UNC5D: variants seen among roughly 807,000 people sequenced by gnomAD.
UNC5D encodes the protein unc-5 netrin receptor D.
A neutral mutation model predicts 105.4 loss-of-function variants in UNC5D; 39 were observed. The ratio of observed to expected loss-of-function variants is 0.37; its 90% confidence interval spans 0.29 to 0.48. The LOEUF is 0.48. Among genes scored for constraint, UNC5D ranks in the 20% least tolerant of loss-of-function variants. The probability of loss-of-function intolerance (pLI) is 0.98; values close to 1 mark genes in which losing one functional copy is unlikely to be tolerated. For missense variants in UNC5D, 991 were observed against 1,202.4 expected, an observed-to-expected ratio of 0.82 and a Z score of 2.60; for synonymous variants, 452 against 450.4, an observed-to-expected ratio of 1.00 and a Z score of -0.04.
intron 4 of UNC5D, among the ~76,000 whole-genome samples, chr8:35,643,689 A>G (rs1822886380): frequency 6.6e-6 from 1 of 152,058 alleles, no homozygotes; most frequent in African/African-American, 2.4e-5. Flanking sequence ...TGCAGTTGAG[A>G]TTTAAAAATC....
intron 1 of UNC5D, among the ~76,000 whole-genome samples, chr8:35,478,620 G>C (rs371624060): frequency 4.7e-4 from 71 of 152,236 alleles, no homozygotes; most frequent in African/African-American, 1.5e-3. Flanking sequence ...AAGAAATATA[G>C]CTGTCTCATA....
At chr8:35,445,953 C>T (rs572664587) in intron 1 of UNC5D, among the ~76,000 whole-genome samples, 79 of 151,998 alleles carry the variant, frequency 5.2e-4, no homozygotes, top group Admixed American at 2.6e-3. Context: ...TTATAATTTG[C>T]TTGTATTTGC....
chr8:35,396,893 TTTTG>T (rs1158564267), intron 1 of UNC5D, among the ~76,000 whole-genome samples: 2 of 151,788 alleles, frequency 1.3e-5, no homozygotes, highest in Admixed American at 6.6e-5. Context: ...CCAAGGGTTT[TTTTG>T]TTTGTTTGGT....
At chr8:35,687,781 C>G (rs1179458027) in intron 7 of UNC5D, among the ~76,000 whole-genome samples, 1 of 152,074 alleles carries the variant, frequency 6.6e-6, no homozygotes, top group Non-Finnish European at 1.5e-5. Context: ...ATTGTCAAGG[C>G]TAAATGATAA....
intron 1 of UNC5D, among the ~76,000 whole-genome samples, chr8:35,345,930 G>A (rs1193700338): frequency 6.6e-6 from 1 of 152,016 alleles, no homozygotes; most frequent in Admixed American, 6.6e-5. Flanking sequence ...TATTATGGTG[G>A]CCTTTTTTGT....
intron 3 of UNC5D, among the ~76,000 whole-genome samples, chr8:35,582,457 C>T (rs1818526605): frequency 6.6e-6 from 1 of 151,992 alleles, no homozygotes; most frequent in Admixed American, 6.6e-5. Flanking sequence ...CTTCCTGGTT[C>T]TGGCAAGATT....
chr8:35,237,822 A>C (rs1802568125), intron 1 of UNC5D, among the ~76,000 whole-genome samples: 1 of 152,198 alleles, frequency 6.6e-6, no homozygotes, highest in African/African-American at 2.4e-5. Flanking sequence ...TCAAGAAATG[A>C]GCACTAGTCA....
intron 16 of UNC5D, among the ~76,000 whole-genome samples, chr8:35,775,049 C>A (rs1452866891): frequency 1.3e-5 from 2 of 152,030 alleles, no homozygotes; most frequent in African/African-American, 2.4e-5. Context: ...TTGGGTCACC[C>A]AAATGGGCGA....
At chr8:35,640,113 A>ATTTTAATTTTT (rs1256144774) in intron 4 of UNC5D, among the ~76,000 whole-genome samples, 1 of 152,110 alleles carries the variant, frequency 6.6e-6, no homozygotes, top group Admixed American at 6.6e-5. Flanking sequence ...TCTTCATAAA[A>ATTTTAATTTTT]TTTTAATTTT....
intron 4 of UNC5D, among the ~76,000 whole-genome samples, chr8:35,603,465 A>T (rs1238293665): frequency 6.6e-6 from 1 of 152,124 alleles, no homozygotes; most frequent in Non-Finnish European, 1.5e-5. Context: ...ACTTCCAACT[A>T]TGTGGTCAAT....
At chr8:35,540,444 G>GGTGTGTGTGTGTGTGTGTGTGTGT (rs11467586) in intron 1 of UNC5D, among the ~76,000 whole-genome samples, 2 of 142,698 alleles carry the variant, frequency 1.4e-5, no homozygotes, top group African/African-American at 5.1e-5. Flanking sequence ...AAAGCAGAGG[G>GGTGTGTGTGTGTGTGTGTGTGTGT]GTGTGTGTGT....
chr8:35,336,009 T>C (rs1811008061), intron 1 of UNC5D, among the ~76,000 whole-genome samples: 1 of 151,900 alleles, frequency 6.6e-6, no homozygotes, highest in South Asian at 2.1e-4. Flanking sequence ...GTGATCCGCC[T>C]GCATTAGCCT....
chr8:35,750,677 G>C lies in UNC5D; in HGVS notation c.2031G>C (p.Ala677=). ...TCCTGGACAGCTTTGGGACCTATGCGCTCACTGGAGAGCCAATCACAGACT... is the reference window on the plus strand; with the variant it reads ...TCCTGGACAGCTTTGGGACCTATGCCCTCACTGGAGAGCCAATCACAGACT... The part of the protein sequence containing the change: ...HVLLDSFGTY[A]LTGEPITDCA... The change falls in exon 13 of 17, where the codon GCG becomes GCC. Residue 677 remains alanine (A), a synonymous_variant. Transcript: ENST00000404895. The C allele has an allele frequency of 1.2e-6, 2 of 1,614,120 alleles. No homozygotes were observed. The highest frequency in any genetic ancestry group is 2.2e-5 in the South Asian group (2 of 91,078).
At chr8:35,612,723 C>CTTTTTTTTTTGTT (rs1820767064) in intron 4 of UNC5D, among the ~76,000 whole-genome samples, 1 of 64,740 alleles carries the variant, frequency 1.5e-5, no homozygotes, top group Non-Finnish European at 2.6e-5. Context: ...AATGTTTTGC[C>CTTTTTTTTTTGTT]TTTTTTTTTT....
At chr8:35,444,539 A>C (rs1163001633) in intron 1 of UNC5D, among the ~76,000 whole-genome samples, 1 of 152,062 alleles carries the variant, frequency 6.6e-6, no homozygotes, top group Non-Finnish European at 1.5e-5. Context: ...ATAGAAACAC[A>C]CACTTTCTCT....
chr8:35,681,564 C>T (rs1825668947), intron 4 of UNC5D, among the ~76,000 whole-genome samples: 1 of 152,146 alleles, frequency 6.6e-6, no homozygotes, highest in Non-Finnish European at 1.5e-5. Flanking sequence ...AAATTGGTTC[C>T]ATTGCCCTAC....
intron 4 of UNC5D, among the ~76,000 whole-genome samples, chr8:35,671,295 C>G (rs553253040): frequency 6.6e-6 from 1 of 152,276 alleles, no homozygotes; most frequent in Non-Finnish European, 1.5e-5. Context: ...TTCAGCTCTA[C>G]AATTTGGATA....
intron 1 of UNC5D, among the ~76,000 whole-genome samples, chr8:35,431,298 A>C (rs934158329): frequency 3.3e-4 from 51 of 152,296 alleles, no homozygotes; most frequent in African/African-American, 1.0e-3. Context: ...TTTATTACTC[A>C]TCTGAACATC....
intron 1 of UNC5D, among the ~76,000 whole-genome samples, chr8:35,389,563 C>T (rs926917854): frequency 2.6e-5 from 4 of 152,030 alleles, no homozygotes; most frequent in Non-Finnish European, 5.9e-5. Flanking sequence ...TCCCCTGCCT[C>T]TTTTATAAAA....
Sources: gnomAD v4.1 joint callset for allele counts (sites outside exome capture counted in the v4.1 genomes callset) on GRCh38, gnomAD v4.1.1 for gene constraint, MANE v1.5 for transcripts, NCBI Gene and HGNC (gene_info 2026-07-23, HGNC 2026-07-21) for gene names.